Variants in CDC42BPA observed in about 807,000 individuals in gnomAD.
CDC42BPA encodes CDC42 binding protein kinase alpha, also known as serine/threonine-protein kinase MRCK alpha.
A neutral mutation model predicts 223.5 loss-of-function variants in CDC42BPA; 80 were observed. The observed-to-expected ratio is 0.36, with a 90% CI of 0.30 to 0.43. The LOEUF is 0.43. Among genes scored for constraint, CDC42BPA ranks in the 20% least tolerant of loss-of-function variants. CDC42BPA has a pLI of 1.00. For synonymous variants in CDC42BPA, 694 were observed against 718.6 expected (o/e 0.97, Z 0.55); for missense variants, 1,743 against 2,099.9 (o/e 0.83, Z 3.32).
At chr1:227,023,601 T>C (rs958736050) in intron 31 of CDC42BPA, among the ~76,000 whole-genome samples, 3 of 152,190 alleles carry the variant, frequency 2.0e-5, no homozygotes, top group African/African-American at 7.2e-5. Flanking sequence ...TAGAAATACA[T>C]TTAAACCTTA....
intron 24 of CDC42BPA, among the ~76,000 whole-genome samples, chr1:227,038,509 T>C (rs1380901073): frequency 6.6e-6 from 1 of 152,196 alleles, no homozygotes; most frequent in Non-Finnish European, 1.5e-5. Context: ...GGGAAAAAAT[T>C]AATCTTGTTC....
intron 5 of CDC42BPA, among the ~76,000 whole-genome samples, chr1:227,178,799 A>C (rs1246880759): frequency 6.6e-6 from 1 of 152,168 alleles, no homozygotes; most frequent in Non-Finnish European, 1.5e-5. Context: ...CTGGCCAGAT[A>C]TGTCTTTGTT....
intron 15 of CDC42BPA, 82 bp downstream of exon 15, chr1:227,100,910 T>C (rs1684937360): frequency 1.1e-6 from 1 of 907,306 alleles, no homozygotes; most frequent in Non-Finnish European, 1.7e-6. Context: ...AGGATATGTT[T>C]ATTGTCTATG....
intron 5 of CDC42BPA, among the ~76,000 whole-genome samples, chr1:227,163,165 T>C (rs1423863229): frequency 6.7e-6 from 1 of 148,862 alleles, no homozygotes; most frequent in Non-Finnish European, 1.5e-5. Context: ...TATATGTGTG[T>C]ATATGTTTCC....
rs35017425 is a variant in CDC42BPA, at chr1:227,073,947, C to T, written c.2652G>A (p.Ser884=). The T allele has an allele frequency of 4.0e-3, 6,445 of 1,612,348 alleles. 20 individuals carry two copies. The highest frequency in any genetic ancestry group is 4.6e-3 in the Non-Finnish European group (5,454 of 1,179,402). Residue 884 remains serine, a synonymous_variant, in exon 19 of 37, where the codon TCG becomes TCA. Transcript: ENST00000366766. ...TGGCTCTTATTTCTGCATCCAGAGC[C>T]GACTGCAACTCCAGTCTAGCTGACA... The part of the protein sequence containing the change: ...LDMSARLELQ[S]ALDAEIRAKQ...
At chr1:227,034,437 T>C (rs1415517195) in intron 26 of CDC42BPA, among the ~76,000 whole-genome samples, 1 of 152,176 alleles carries the variant, frequency 6.6e-6, no homozygotes, top group Admixed American at 6.5e-5. Context: ...TTCTTTTTCC[T>C]TAACTCCTAG....
intron 5 of CDC42BPA, among the ~76,000 whole-genome samples, chr1:227,161,604 A>AGTG (rs1316595592): frequency 6.6e-6 from 1 of 152,212 alleles, no homozygotes; most frequent in Non-Finnish European, 1.5e-5. Flanking sequence ...AATTTCTCTG[A>AGTG]GTGTGTTGTA....
At chr1:227,150,075 T>C (rs1044151614) in intron 6 of CDC42BPA, among the ~76,000 whole-genome samples, 2 of 151,632 alleles carry the variant, frequency 1.3e-5, no homozygotes, top group Non-Finnish European at 2.9e-5. Flanking sequence ...AATACAAAAA[T>C]TAGCTGGACA....
chr1:227,278,476 G>C (rs1687488993), intron 1 of CDC42BPA, among the ~76,000 whole-genome samples: 1 of 152,138 alleles, frequency 6.6e-6, no homozygotes, highest in East Asian at 1.9e-4. Flanking sequence ...GGGAATACTA[G>C]GAAGTTAAGG....
intron 1 of CDC42BPA, among the ~76,000 whole-genome samples, chr1:227,315,289 A>G (rs1415252869): frequency 6.6e-6 from 1 of 152,188 alleles, no homozygotes; most frequent in South Asian, 2.1e-4. Context: ...CCAAGAAAAC[A>G]TATTTAATGG....
Position 227,318,170 on chromosome 1 carries a change from G to A in CDC42BPA, c.-988C>T, listed in dbSNP as rs182645262. 38 of 158,452 alleles carry A rather than the reference G, an allele frequency of 2.4e-4. No homozygotes were observed. In the East Asian group the frequency reaches 5.0e-3, roughly 21 times the overall value. The allele number at this position is 158,452 out of a possible 1,614,324, so 9.8% of individuals were successfully genotyped here. On this transcript the variant is annotated 5_prime_UTR_variant, in exon 1 of 37. Transcript: ENST00000366766. ...GCCCCAGGCGGGGGGGTGCTTCTCT[G>A]AATTCAAAGGACACAAGCAGCAGCA...
chr1:227,244,374 G>A (rs1438088133), intron 2 of CDC42BPA, among the ~76,000 whole-genome samples: 1 of 151,908 alleles, frequency 6.6e-6, no homozygotes, highest in Non-Finnish European at 1.5e-5. Flanking sequence ...TTGAGCACAA[G>A]AAGCCAGAAA....
At chr1:227,186,964 T>C (rs1668875130) in intron 5 of CDC42BPA, among the ~76,000 whole-genome samples, 1 of 152,206 alleles carries the variant, frequency 6.6e-6, no homozygotes, top group African/African-American at 2.4e-5. Flanking sequence ...TGGTAACAAC[T>C]TAGGAACTGC....
At chr1:227,273,995 C>CAAAAAA (rs10599884) in intron 1 of CDC42BPA, among the ~76,000 whole-genome samples, 1,119 of 56,992 alleles carry the variant, frequency 0.02, 108 homozygotes, top group Middle Eastern at 0.043. Flanking sequence ...TCGTATACAC[C>CAAAAAA]AAAAAAAAAA....
At chr1:227,163,341 C>T (rs1468416192) in intron 5 of CDC42BPA, among the ~76,000 whole-genome samples, 1 of 151,856 alleles carries the variant, frequency 6.6e-6, no homozygotes, top group East Asian at 1.9e-4. Context: ...GATTGTTGCC[C>T]ATTTTTATTT....
intron 35 of CDC42BPA, among the ~76,000 whole-genome samples, chr1:226,999,430 C>A (rs1033496462): frequency 6.6e-6 from 1 of 152,142 alleles, no homozygotes; most frequent in Non-Finnish European, 1.5e-5. Context: ...CCCACCTCAG[C>A]CTCCCAAAGT....
At chr1:227,271,507 T>G (rs1294598259) in intron 1 of CDC42BPA, among the ~76,000 whole-genome samples, 1 of 151,502 alleles carries the variant, frequency 6.6e-6, no homozygotes, top group Non-Finnish European at 1.5e-5. Context: ...ATTTTTCCTG[T>G]AGGAAAAAAA....
intron 2 of CDC42BPA, among the ~76,000 whole-genome samples, chr1:227,242,383 T>C (rs1229685956): frequency 6.6e-6 from 1 of 151,954 alleles, no homozygotes; most frequent in African/African-American, 2.4e-5. Context: ...AGCACTTAAA[T>C]TCAACATTTT....
chr1:227,269,330 G>A (rs1270917676), intron 1 of CDC42BPA, among the ~76,000 whole-genome samples: 2 of 151,990 alleles, frequency 1.3e-5, no homozygotes, highest in Non-Finnish European at 2.9e-5. Flanking sequence ...GAACTATTTG[G>A]AAAAAAACTT....
Sources: allele counts gnomAD v4.1 joint callset (sites outside exome capture counted in the v4.1 genomes callset), GRCh38; gene constraint gnomAD v4.1.1; transcripts MANE v1.5; gene names NCBI Gene and HGNC (gene_info 2026-07-23, HGNC 2026-07-21).